Variants in KIF17 observed in about 807,000 individuals in gnomAD.
The protein encoded by KIF17 is kinesin family member 17, also known as kinesin-like protein KIF17.
In KIF17, 80 loss-of-function variants were observed where a neutral mutation model predicts 96.8. That is an observed-to-expected ratio of 0.83 (90% CI 0.69 to 1.00). KIF17 has a LOEUF of 1.00. Among genes scored for constraint, KIF17 ranks in the 50% least tolerant of loss-of-function variants. The pLI, the probability that KIF17 is intolerant of heterozygous loss-of-function variation, is 0.00. For synonymous variants in KIF17, 567 were observed against 587.5 expected (o/e 0.97, Z 0.51); for missense variants, 1,280 against 1,372.9 (o/e 0.93, Z 1.07).
chr1:20,670,165 C>T (rs551832890), intron 13 of KIF17, among the ~76,000 whole-genome samples: 1 of 152,132 alleles, frequency 6.6e-6, no homozygotes, highest in African/African-American at 2.4e-5. Context: ...TGTCCTTCAC[C>T]GGCAAGATGG....
intron 4 of KIF17, among the ~76,000 whole-genome samples, chr1:20,705,753 C>T (rs1003708817): frequency 6.6e-6 from 1 of 152,114 alleles, no homozygotes; most frequent in African/African-American, 2.4e-5. Flanking sequence ...TGCACCCAAA[C>T]CTTGATGTGA....
intron 7 of KIF17, among the ~76,000 whole-genome samples, chr1:20,689,984 G>C (rs995283105): frequency 3.3e-5 from 5 of 152,130 alleles, no homozygotes; most frequent in Non-Finnish European, 7.4e-5. Context: ...TGTGACCATG[G>C]GCAAGTTACC....
chr1:20,695,645 A>G (rs2054124346), intron 6 of KIF17, among the ~76,000 whole-genome samples: 1 of 151,858 alleles, frequency 6.6e-6, no homozygotes, highest in Admixed American at 6.6e-5. Flanking sequence ...AGGGAGGTAC[A>G]GGACTCCCTC....
At chr1:20,691,624 A>ATT (rs72410884) in intron 6 of KIF17, among the ~76,000 whole-genome samples, 5 of 122,984 alleles carry the variant, frequency 4.1e-5, no homozygotes, top group Admixed American at 8.7e-5. Flanking sequence ...ACGTCTGGCT[A>ATT]TTTTTTTTTT....
At chr1:20,664,832 G>A (rs1042797732) in intron 14 of KIF17, 70 bp from the exon 15 acceptor site, 19 of 1,422,394 alleles carry the variant, frequency 1.3e-5, no homozygotes, top group East Asian at 2.3e-5. Context: ...CCCCAAGTGG[G>A]TAGGATGGAG....
chr1:20,665,088 G>A (rs115273799), intron 14 of KIF17, among the ~76,000 whole-genome samples: 2,624 of 152,034 alleles, frequency 0.017, 71 homozygotes, highest in African/African-American at 0.049. Flanking sequence ...TAGAGAAGCT[G>A]CTTCGTCTCT....
At chr1:20,698,591 C>T in intron 5 of KIF17, 103 bp from the exon 6 acceptor site, 1 of 742,286 alleles carries the variant, frequency 1.3e-6, no homozygotes, top group South Asian at 1.5e-5. Context: ...TTCAAGAAGA[C>T]TTTAAAGTAT....
At chr1:20,668,930 C>G (rs895401633) in intron 13 of KIF17, among the ~76,000 whole-genome samples, 2 of 152,116 alleles carry the variant, frequency 1.3e-5, no homozygotes, top group African/African-American at 4.8e-5. Flanking sequence ...GAACAAAACT[C>G]TTAGAGTTTC....
chr1:20,666,385 AGGGCTC>A, intron 13 of KIF17, 54 bp from the exon 14 acceptor site: 3 of 1,390,212 alleles, frequency 2.2e-6, no homozygotes, highest in Non-Finnish European at 3.1e-6. Context: ...CCCCTGGCAC[AGGGCTC>A]CACAGCCTCT....
chr1:20,686,457 A>ATC (rs1253098738), intron 8 of KIF17: 1 of 456,290 alleles, frequency 2.2e-6, no homozygotes, highest in Non-Finnish European at 4.0e-6. Context: ...TAGACCTGGG[A>ATC]TCTCTCTCTC....
chr1:20,686,509 CA>C, intron 8 of KIF17: 1 of 316,390 alleles, frequency 3.2e-6, no homozygotes, highest in Non-Finnish European at 6.0e-6. Context: ...AATACACACA[CA>C]CACACACAGA....
chr1:20,703,192 T>TGGAC (rs1557600893), intron 5 of KIF17, among the ~76,000 whole-genome samples: 2 of 150,372 alleles, frequency 1.3e-5, no homozygotes, highest in African/African-American at 4.9e-5. Context: ...GATGGACGGA[T>TGGAC]GGATGGGAGA....
At chr1:20,677,156 A>C (rs1447163744) in intron 11 of KIF17, among the ~76,000 whole-genome samples, 3 of 152,204 alleles carry the variant, frequency 2.0e-5, no homozygotes, top group Non-Finnish European at 2.9e-5. Flanking sequence ...AGTTGCAGTG[A>C]GCTGTGATCG....
intron 11 of KIF17, among the ~76,000 whole-genome samples, chr1:20,676,163 A>C (rs933860423): frequency 1.3e-5 from 2 of 152,234 alleles, no homozygotes; most frequent in Non-Finnish European, 2.9e-5. Context: ...CAGAGATTTA[A>C]ATGTAAAAAA....
At chr1:20,711,365 G>A (rs999197842) in intron 3 of KIF17, among the ~76,000 whole-genome samples, 1 of 152,036 alleles carries the variant, frequency 6.6e-6, no homozygotes, top group Non-Finnish European at 1.5e-5. Flanking sequence ...CCCCTCCACC[G>A]CGCTCCCAAC....
chr1:20,664,872 G>A (rs1022902358), intron 14 of KIF17, 110 bp from the exon 15 acceptor site: 202 of 1,034,010 alleles, frequency 2.0e-4, no homozygotes, highest in Middle Eastern at 2.9e-4. Context: ...CCGCCCCCCT[G>A]CCCAGCCAGA....
chr1:20,691,431 G>A (rs2054037298), intron 6 of KIF17, among the ~76,000 whole-genome samples: 1 of 151,178 alleles, frequency 6.6e-6, no homozygotes, highest in Non-Finnish European at 1.5e-5. Context: ...ACAGGCATAA[G>A]CCACCACACC....
intron 2 of KIF17, among the ~76,000 whole-genome samples, chr1:20,715,155 A>G (rs1409328455): frequency 1.3e-5 from 2 of 152,208 alleles, no homozygotes; most frequent in African/African-American, 4.8e-5. Flanking sequence ...AAGGATGCCA[A>G]GGGCTTCACA....
At chr1:20,697,988 C>T (rs2054171496) in intron 6 of KIF17, among the ~76,000 whole-genome samples, 1 of 152,010 alleles carries the variant, frequency 6.6e-6, no homozygotes, top group Admixed American at 6.5e-5. Flanking sequence ...GACTCCTCCC[C>T]ACCCTGACTG....
Sources: gnomAD v4.1 joint callset for allele counts (sites outside exome capture counted in the v4.1 genomes callset) on GRCh38, gnomAD v4.1.1 for gene constraint, MANE v1.5 for transcripts, NCBI Gene and HGNC (gene_info 2026-07-23, HGNC 2026-07-21) for gene names.